The following SH3RF3 variants were observed in gnomAD, a reference collection of about 807,000 sequenced individuals.
The protein encoded by SH3RF3 is SH3 domain containing ring finger 3.
Under a neutral mutation model 66.3 loss-of-function variants are expected in SH3RF3, and 29 were observed. The ratio of observed to expected loss-of-function variants is 0.44; its 90% CI spans 0.33 to 0.60. The LOEUF is 0.60. Among genes scored for constraint, SH3RF3 ranks in the 20% least tolerant of loss-of-function variants. The pLI, the probability that SH3RF3 is intolerant of heterozygous loss-of-function variation, is 0.04. For missense variants in SH3RF3, 1,194 were observed against 1,190.9 expected (o/e 1.00, Z -0.04); for synonymous variants, 583 against 532.0 (o/e 1.10, Z -1.32).
chr2:109,471,414 C>T (rs943019680), intron 8 of SH3RF3, among the ~76,000 whole-genome samples: 2 of 152,006 alleles, frequency 1.3e-5, no homozygotes, highest in Non-Finnish European at 2.9e-5. Flanking sequence ...CTCATAAAAC[C>T]ATTGGATCTC....
chr2:109,171,441 C>G (rs541153046), intron 1 of SH3RF3, among the ~76,000 whole-genome samples: 4 of 152,364 alleles, frequency 2.6e-5, no homozygotes, highest in Admixed American at 6.5e-5. Flanking sequence ...CTCTTCCTAA[C>G]AAAAATGCTT....
intron 1 of SH3RF3, among the ~76,000 whole-genome samples, chr2:109,234,192 C>T (rs1311726265): frequency 1.3e-5 from 2 of 152,068 alleles, no homozygotes; most frequent in Non-Finnish European, 2.9e-5. Flanking sequence ...AATAATAGGC[C>T]ATTGGAATCT....
chr2:109,154,265 G>A (rs1295248884), intron 1 of SH3RF3, among the ~76,000 whole-genome samples: 1 of 152,216 alleles, frequency 6.6e-6, no homozygotes, highest in Non-Finnish European at 1.5e-5. Flanking sequence ...ACATTGGATG[G>A]AAGCTGGGAA....
intron 1 of SH3RF3, among the ~76,000 whole-genome samples, chr2:109,315,942 G>A (rs185915397): frequency 1.3e-5 from 2 of 152,258 alleles, no homozygotes; most frequent in South Asian, 2.1e-4. Flanking sequence ...GGAGAATATG[G>A]AGCCTTTTGA....
chr2:109,296,803 A>G (rs1040474710), intron 1 of SH3RF3, among the ~76,000 whole-genome samples: 1 of 152,144 alleles, frequency 6.6e-6, no homozygotes. Context: ...AGCTGGGGAC[A>G]CTGACCACAC....
rs1048361575 is a variant in SH3RF3 at position 109,504,236 on chromosome 2, G to A, written c.*2565G>A. The A allele has an allele frequency of 1.4e-4, 22 of 152,348 alleles. No homozygotes were observed. The highest frequency in any genetic ancestry group is 7.8e-4 in the Admixed American group (12 of 15,304). 9.4% of individuals were successfully genotyped at this position (152,348 alleles called of 1,614,324 possible). A position where few individuals can be genotyped will look rare whatever the true frequency, so the allele number is the denominator to read the frequency against. ...TTATGTTTCATCCTGGCCCCATGATGTACACATCTTAGCCATGTAGTGGCC... is the reference window on the plus strand; with the variant it reads ...TTATGTTTCATCCTGGCCCCATGATATACACATCTTAGCCATGTAGTGGCC... On this transcript the variant is annotated 3_prime_UTR_variant, in exon 10 of 10. Transcript: ENST00000309415.
chr2:109,344,057 T>C (rs1682624058), intron 1 of SH3RF3, among the ~76,000 whole-genome samples: 1 of 152,140 alleles, frequency 6.6e-6, no homozygotes, highest in Non-Finnish European at 1.5e-5. Flanking sequence ...GATCCTTCTT[T>C]TGTAACTTTC....
intron 1 of SH3RF3, among the ~76,000 whole-genome samples, chr2:109,324,980 C>T (rs1021873174): frequency 6.6e-6 from 1 of 152,128 alleles, no homozygotes; most frequent in Admixed American, 6.5e-5. Flanking sequence ...ACAGTTTTGG[C>T]AAGGAAAAGT....
chr2:109,429,159 G>A (rs766871462), intron 5 of SH3RF3, among the ~76,000 whole-genome samples: 26 of 152,286 alleles, frequency 1.7e-4, no homozygotes, highest in Middle Eastern at 6.8e-3. Context: ...GCTCTTCAGT[G>A]TGGTCCCTCC....
chr2:109,276,356 G>A (rs1311074610), intron 1 of SH3RF3, among the ~76,000 whole-genome samples: 1 of 152,214 alleles, frequency 6.6e-6, no homozygotes, highest in Admixed American at 6.5e-5. Context: ...GCAAATATGT[G>A]TCCCGTAGTA....
chr2:109,402,845 G>A (rs1034460188), intron 4 of SH3RF3, among the ~76,000 whole-genome samples: 1 of 152,190 alleles, frequency 6.6e-6, no homozygotes, highest in African/African-American at 2.4e-5. Context: ...GTCCCTGGTA[G>A]TTATTGAATC....
At chr2:109,194,808 G>T (rs1490474185) in intron 1 of SH3RF3, among the ~76,000 whole-genome samples, 1 of 152,144 alleles carries the variant, frequency 6.6e-6, no homozygotes, top group Non-Finnish European at 1.5e-5. Flanking sequence ...AAATTCACAG[G>T]ACGAAAAGAT....
At chr2:109,321,150 G>A (rs1441851634) in intron 1 of SH3RF3, among the ~76,000 whole-genome samples, 1 of 152,238 alleles carries the variant, frequency 6.6e-6, no homozygotes, top group Admixed American at 6.5e-5. Context: ...CCATGTGCAT[G>A]GATGCACCTC....
Position 109,194,524 on chromosome 2 carries a change from T to C in SH3RF3, c.573+64411T>C, listed in dbSNP as rs1365421617. Among the ~76,000 whole-genome samples, 3 of 152,330 alleles carry C rather than the reference T, an allele frequency of 2.0e-5. No individual in the cohort carries two copies. In the East Asian group the frequency reaches 5.8e-4, roughly 29 times the overall value. Reference sequence around the variant, plus strand: ...GTGCGCATCTGAGGAGGAGGGGCATTTGCTCCAGCAGCACTGAAGGGCGAG... The same window carrying C: ...GTGCGCATCTGAGGAGGAGGGGCATCTGCTCCAGCAGCACTGAAGGGCGAG... On this transcript the variant is annotated intron_variant, in intron 1 of 9. Coordinates refer to ENST00000309415, the MANE Select transcript of SH3RF3 (RefSeq NM_001099289.3).
chr2:109,352,301 C>T (rs992923644), intron 2 of SH3RF3, among the ~76,000 whole-genome samples: 11 of 152,190 alleles, frequency 7.2e-5, no homozygotes, highest in Non-Finnish European at 1.2e-4. Flanking sequence ...GAAAGTAAGC[C>T]TCCCTCCTAA....
intron 1 of SH3RF3, among the ~76,000 whole-genome samples, chr2:109,221,759 G>A (rs1011887785): frequency 1.3e-5 from 2 of 152,062 alleles, no homozygotes; most frequent in African/African-American, 2.4e-5. Context: ...CTATTGGTGG[G>A]AACATAAATA....
intron 8 of SH3RF3, among the ~76,000 whole-genome samples, chr2:109,486,796 TC>T (rs1678991744): frequency 6.6e-6 from 1 of 152,042 alleles, no homozygotes; most frequent in South Asian, 2.1e-4. Flanking sequence ...AAGAGAGACA[TC>T]CCAGCAGGGC....
intron 1 of SH3RF3, among the ~76,000 whole-genome samples, chr2:109,183,005 C>T (rs1406581906): frequency 6.6e-6 from 1 of 152,234 alleles, no homozygotes; most frequent in Non-Finnish European, 1.5e-5. Flanking sequence ...CAGAGCTCAT[C>T]ATCCTTCCAC....
intron 1 of SH3RF3, among the ~76,000 whole-genome samples, chr2:109,239,760 G>T (rs1679736556): frequency 1.3e-5 from 2 of 152,200 alleles, no homozygotes; most frequent in Non-Finnish European, 2.9e-5. Flanking sequence ...AGGAGCTGGC[G>T]GCACTGCTGT....
Sources: allele counts gnomAD v4.1 joint callset (sites outside exome capture counted in the v4.1 genomes callset), GRCh38; gene constraint gnomAD v4.1.1; transcripts MANE v1.5; gene names NCBI Gene and HGNC (gene_info 2026-07-23, HGNC 2026-07-21).